The following PCDH15 variants were observed in gnomAD, a reference collection of about 807,000 sequenced individuals.
PCDH15 encodes protocadherin related 15, also known as protocadherin-15.
A neutral mutation model predicts 178.5 loss-of-function variants in PCDH15; 129 were observed. The ratio of observed to expected loss-of-function variants is 0.72; its 90% CI spans 0.63 to 0.84. The LOEUF is 0.84. Ranked by LOEUF, PCDH15 falls within the 40% of genes least tolerant of loss-of-function variation. The pLI is 0.00. For missense variants in PCDH15, 2,230 were observed against 2,099.9 expected, an observed-to-expected ratio of 1.06 and a Z score of -1.21; for synonymous variants, 800 against 732.0, an observed-to-expected ratio of 1.09 and a Z score of -1.50.
chr10:55,609,603 T>C (rs1843318177), intron 2 of PCDH15, among the ~76,000 whole-genome samples: 1 of 152,048 alleles, frequency 6.6e-6, no homozygotes, highest in African/African-American at 2.4e-5. Context: ...TATTGTATCA[T>C]CCAAATATTC....
chr10:55,441,467 C>T (rs369373946), intron 2 of PCDH15, among the ~76,000 whole-genome samples: 1 of 54,242 alleles, frequency 1.8e-5, no homozygotes, highest in Non-Finnish European at 2.8e-5. Context: ...AGGAAGGAAA[C>T]CAATTAGTCA....
chr10:55,408,447 G>A (rs1011634983), intron 2 of PCDH15, among the ~76,000 whole-genome samples: 1 of 152,008 alleles, frequency 6.6e-6, no homozygotes, highest in African/African-American at 2.4e-5. Context: ...GCATCCCAAA[G>A]TGTTGGAATT....
chr10:53,849,443 T>C (rs776886826), intron 28 of PCDH15, among the ~76,000 whole-genome samples: 1 of 152,134 alleles, frequency 6.6e-6, no homozygotes, highest in Non-Finnish European at 1.5e-5. Flanking sequence ...AAGAAACATA[T>C]CTATCTGAAG....
At chr10:54,317,715 T>C (rs954819873) in intron 7 of PCDH15, among the ~76,000 whole-genome samples, 7 of 151,904 alleles carry the variant, frequency 4.6e-5, no homozygotes, top group Non-Finnish European at 7.4e-5. Context: ...GAAGTTGCAG[T>C]GAGCCAAGAT....
chr10:53,843,475 A>G (rs1216981861), intron 28 of PCDH15, among the ~76,000 whole-genome samples: 2 of 152,064 alleles, frequency 1.3e-5, no homozygotes, highest in African/African-American at 2.4e-5. Context: ...TAATATTTGT[A>G]TCATACACAC....
Position 53,808,888 on chromosome 10 carries a change from C to T in PCDH15, c.4671+1668G>A, listed in dbSNP as rs757514912. On this transcript the variant is annotated intron_variant, in intron 37 of 37. Coordinates refer to ENST00000644397, the MANE Select transcript of PCDH15 (RefSeq NM_001384140.1). ...TTCCACCGAAGCTGATTCTGCACTG[C>T]CCTCTTCAGGGATATCTTGAGCTTC... is the stretch of plus-strand genomic sequence containing the variant. The T allele has an allele frequency of 3.1e-6, 5 of 1,595,752 alleles. No individual in the cohort carries two copies. Among genetic ancestry groups the T allele is most frequent in the East Asian group, 2.3e-5 (1 of 44,252 alleles).
rs142060348 is a variant in PCDH15 at position 55,403,493 on chromosome 10, T to A, written c.-156+224132A>T. On this transcript the variant is annotated intron_variant, in intron 2 of 5. Coordinates refer to the PCDH15 transcript ENST00000613346. Reference sequence around the variant, plus strand: ...TCCCCTCATGATTTTTTCTAGAATTTTATAGTTTTGAGTATATTTAATTTT... The same window carrying A: ...TCCCCTCATGATTTTTTCTAGAATTATATAGTTTTGAGTATATTTAATTTT... 9.4e-4 allele frequency among the ~76,000 whole-genome samples: 143 copies of A among 152,044 alleles called. 2 individuals carry two copies. The East Asian group carries it at 0.026, about 28-fold the overall frequency.
chr10:53,981,593 T>G (rs562431552), intron 21 of PCDH15, among the ~76,000 whole-genome samples: 85 of 151,412 alleles, frequency 5.6e-4, no homozygotes, highest in African/African-American at 1.8e-3. Flanking sequence ...TAATAAATGG[T>G]GCTGGGAAAA....
intron 2 of PCDH15, among the ~76,000 whole-genome samples, chr10:55,049,140 C>A (rs1276251161): frequency 6.6e-6 from 1 of 151,918 alleles, no homozygotes; most frequent in Non-Finnish European, 1.5e-5. Flanking sequence ...CTTGTGGTCA[C>A]AAAGTCTTAA....
intron 1 of PCDH15, among the ~76,000 whole-genome samples, chr10:55,235,849 G>T (rs1347971479): frequency 6.8e-6 from 1 of 146,246 alleles, no homozygotes; most frequent in Non-Finnish European, 1.5e-5. Context: ...GGAGGTTGCA[G>T]TGAGCCGAGA....
chr10:55,023,207 G>T (rs577799587), intron 2 of PCDH15, among the ~76,000 whole-genome samples: 1 of 152,282 alleles, frequency 6.6e-6, no homozygotes, highest in East Asian at 1.9e-4. Flanking sequence ...CTCCCAAAGT[G>T]CTGGGATTAC....
chr10:53,895,623 CT>C (rs1454678537), intron 26 of PCDH15, among the ~76,000 whole-genome samples: 2 of 152,108 alleles, frequency 1.3e-5, no homozygotes, highest in Non-Finnish European at 2.9e-5. Context: ...TAAAATTAAT[CT>C]TGATCACATT....
At chr10:55,521,287 T>C (rs185188872) in intron 2 of PCDH15, among the ~76,000 whole-genome samples, 3 of 152,190 alleles carry the variant, frequency 2.0e-5, no homozygotes, top group East Asian at 3.9e-4. Flanking sequence ...ATGCACTGAA[T>C]ATACAGATGC....
intron 15 of PCDH15, among the ~76,000 whole-genome samples, chr10:54,130,196 C>A (rs2042313224): frequency 6.6e-6 from 1 of 151,988 alleles, no homozygotes; most frequent in South Asian, 2.1e-4. Flanking sequence ...GAAATTAGCT[C>A]TATATTGGGT....
At chr10:54,559,979 A>T (rs976147760) in intron 2 of PCDH15, among the ~76,000 whole-genome samples, 1 of 151,536 alleles carries the variant, frequency 6.6e-6, no homozygotes, top group African/African-American at 2.4e-5. Flanking sequence ...TATTTATGTC[A>T]TAATGTGTCA....
intron 21 of PCDH15, among the ~76,000 whole-genome samples, chr10:53,973,240 A>G (rs887680652): frequency 2.1e-5 from 3 of 143,604 alleles, no homozygotes; most frequent in Admixed American, 1.5e-4. Context: ...GAACTCAACA[A>G]TGAGAACACT....
intron 8 of PCDH15, among the ~76,000 whole-genome samples, chr10:54,296,473 C>T (rs1373738304): frequency 6.6e-6 from 1 of 152,120 alleles, no homozygotes; most frequent in African/African-American, 2.4e-5. Flanking sequence ...TCATGCCTGT[C>T]AGACAAACTT....
At chr10:55,299,717 T>A (rs770705868) in intron 1 of PCDH15, among the ~76,000 whole-genome samples, 10 of 152,158 alleles carry the variant, frequency 6.6e-5, no homozygotes, top group Non-Finnish European at 1.3e-4. Context: ...TACTCAGAAT[T>A]GGACCAACCT....
At chr10:54,774,923 T>C (rs1310310789) in intron 1 of PCDH15, among the ~76,000 whole-genome samples, 1 of 152,200 alleles carries the variant, frequency 6.6e-6, no homozygotes, top group Non-Finnish European at 1.5e-5. Flanking sequence ...AAAAAAGTGC[T>C]TTTTTACTTT....
Sources: allele counts gnomAD v4.1 joint callset (sites outside exome capture counted in the v4.1 genomes callset), GRCh38; gene constraint gnomAD v4.1.1; transcripts MANE v1.5; gene names NCBI Gene and HGNC (gene_info 2026-07-23, HGNC 2026-07-21).